Variants in PPP6R2 observed in about 807,000 individuals in gnomAD.
PPP6R2 encodes protein phosphatase 6 regulatory subunit 2.
Under a neutral mutation model 100.2 loss-of-function variants are expected in PPP6R2, and 62 were observed. The ratio of observed to expected loss-of-function variants is 0.62; its 90% CI spans 0.50 to 0.76. PPP6R2 has a LOEUF of 0.76. Ranked by LOEUF, PPP6R2 falls within the 30% of genes least tolerant of loss-of-function variation. The pLI, the probability that PPP6R2 is intolerant of heterozygous loss-of-function variation, is 0.00. For missense variants in PPP6R2, 1,142 were observed against 1,276.3 expected, an observed-to-expected ratio of 0.89 and a Z score of 1.60; for synonymous variants, 525 against 514.7, an observed-to-expected ratio of 1.02 and a Z score of -0.27.
intron 2 of PPP6R2, among the ~76,000 whole-genome samples, chr22:50,387,318 C>T (rs1376517990): frequency 6.6e-6 from 1 of 152,166 alleles, no homozygotes; most frequent in Non-Finnish European, 1.5e-5. Flanking sequence ...CAGCCTCAGC[C>T]TCGGCCTCCC....
intron 2 of PPP6R2, among the ~76,000 whole-genome samples, chr22:50,387,131 G>A (rs906961698): frequency 2.0e-5 from 3 of 152,176 alleles, no homozygotes; most frequent in Non-Finnish European, 2.9e-5. Flanking sequence ...TACGATCATA[G>A]CTCAGGGCAG....
At chr22:50,411,274 C>T (rs760435914) in intron 4 of PPP6R2, among the ~76,000 whole-genome samples, 8 of 151,520 alleles carry the variant, frequency 5.3e-5, no homozygotes, top group East Asian at 2.0e-4. Context: ...GCCAACATGC[C>T]GAAACCCCGT....
intron 3 of PPP6R2, among the ~76,000 whole-genome samples, chr22:50,396,231 T>C (rs1331035745): frequency 5.2e-5 from 7 of 135,016 alleles, no homozygotes; most frequent in Admixed American, 3.2e-4. Flanking sequence ...GTGTGGTGGC[T>C]CACACCTGTA....
chr22:50,438,160 G>A lies in PPP6R2; in HGVS notation c.1840-14G>A, dbSNP rs757196397. The A allele has an allele frequency of 1.9e-5, 31 of 1,605,338 alleles. No homozygotes were observed. Among genetic ancestry groups the A allele is most frequent in the Admixed American group, 3.4e-5 (2 of 58,486 alleles). On this transcript the variant is annotated splice_polypyrimidine_tract_variant and intron_variant, in intron 17 of 23. Transcript: ENST00000612753. ...AGACCCTCTGGAAACTCACCTTGGC[G>A]TTTTACTCTGCAGCCCAGCGCAGCT... is the stretch of plus-strand genomic sequence containing the variant.
intron 20 of PPP6R2, 38 bp downstream of exon 20, chr22:50,439,895 A>G: frequency 6.2e-7 from 1 of 1,607,792 alleles, no homozygotes. Flanking sequence ...TGTGCCAGGA[A>G]GTGCCTGTCA....
chr22:50,355,735 A>G (rs1233362699), intron 1 of PPP6R2, among the ~76,000 whole-genome samples: 1 of 133,760 alleles, frequency 7.5e-6, no homozygotes, highest in Non-Finnish European at 1.6e-5. Context: ...GTTAGCCAGG[A>G]TGGTCTCGAT....
the PPP6R2 span, among the ~76,000 whole-genome samples, chr22:50,333,252 A>G: frequency 6.6e-6 from 1 of 151,712 alleles, no homozygotes; most frequent in South Asian, 2.1e-4. Context: ...GCTTTTCCTT[A>G]TACTAATTCT....
the PPP6R2 span, among the ~76,000 whole-genome samples, chr22:50,337,754 G>C: frequency 6.8e-6 from 1 of 147,428 alleles, no homozygotes; most frequent in Admixed American, 6.8e-5. Context: ...GGTATGTGGA[G>C]TGTGCACGAT....
At chr22:50,389,962 C>A (rs927982036) in intron 2 of PPP6R2, among the ~76,000 whole-genome samples, 1 of 150,312 alleles carries the variant, frequency 6.7e-6, no homozygotes, top group Non-Finnish European at 1.5e-5. Context: ...TCTTGTTATG[C>A]GGAGATTTTT....
At chr22:50,400,700 C>G (rs1380121362) in intron 3 of PPP6R2, among the ~76,000 whole-genome samples, 2 of 152,132 alleles carry the variant, frequency 1.3e-5, no homozygotes. Context: ...AGTACAAAAT[C>G]AAGCAAACAG....
chr22:50,417,530 A>G (rs1197804205), intron 6 of PPP6R2, among the ~76,000 whole-genome samples: 2 of 152,178 alleles, frequency 1.3e-5, no homozygotes, highest in African/African-American at 2.4e-5. Context: ...CGATCTATAC[A>G]TACAACCACG....
intron 2 of PPP6R2, among the ~76,000 whole-genome samples, chr22:50,387,478 G>A (rs900358349): frequency 2.6e-5 from 4 of 152,086 alleles, no homozygotes; most frequent in Non-Finnish European, 5.9e-5. Context: ...GCTCAGGATC[G>A]ACATAGTCTT....
the PPP6R2 span, among the ~76,000 whole-genome samples, chr22:50,334,774 T>G: frequency 6.6e-6 from 1 of 152,202 alleles, no homozygotes; most frequent in East Asian, 1.9e-4. Flanking sequence ...AAGACCAGCC[T>G]GGCAAACATG....
At position 50,439,683 on chromosome 22, in the gene PPP6R2, G is replaced by A. The variant is rs1310276473; in HGVS notation, c.2129-18G>A. ...CCAGGCCTGCCCACGCCTGACCACT[G>A]TGTCTCTCCCCCAGCAGGCGCCATG... is the stretch of plus-strand genomic sequence containing the variant. On this transcript the variant is annotated intron_variant, in intron 19 of 23. Coordinates refer to ENST00000612753, the MANE Select transcript of PPP6R2 (RefSeq NM_001242898.2). 2.6e-6 allele frequency: 4 copies of A among 1,557,508 alleles called. No individual in the cohort carries two copies. The highest frequency in any genetic ancestry group is 2.7e-5 in the African/African-American group (2 of 73,714).
At chr22:50,436,289 A>T (rs1052654580) in intron 13 of PPP6R2, 78 bp from the exon 14 acceptor site, 1 of 1,326,672 alleles carries the variant, frequency 7.5e-7, no homozygotes, top group Admixed American at 2.0e-5. Context: ...CCCAGGATGC[A>T]CCTGCCGGAG....
chr22:50,348,478 A>T (rs2044257723), intron 1 of PPP6R2, among the ~76,000 whole-genome samples: 1 of 152,196 alleles, frequency 6.6e-6, no homozygotes, highest in African/African-American at 2.4e-5. Context: ...TTATCCTCCC[A>T]GCCCCATCAA....
the PPP6R2 span, among the ~76,000 whole-genome samples, chr22:50,337,783 GGT>G: frequency 2.1e-5 from 3 of 145,656 alleles, no homozygotes; most frequent in South Asian, 2.2e-4. Flanking sequence ...TGTGTGTGTG[GGT>G]GTGTGTGTGC....
chr22:50,364,110 T>C (rs1420846138), intron 1 of PPP6R2, among the ~76,000 whole-genome samples: 1 of 152,022 alleles, frequency 6.6e-6, no homozygotes, highest in Admixed American at 6.6e-5. Flanking sequence ...TTAACCAGGC[T>C]GGTCTCAAAC....
intron 2 of PPP6R2, among the ~76,000 whole-genome samples, chr22:50,372,865 T>C (rs1179959855): frequency 6.6e-6 from 1 of 151,878 alleles, no homozygotes; most frequent in Non-Finnish European, 1.5e-5. Context: ...ATTTTTGTAT[T>C]TGTAGTAGAG....
Sources: allele counts gnomAD v4.1 joint callset (sites outside exome capture counted in the v4.1 genomes callset), GRCh38; gene constraint gnomAD v4.1.1; transcripts MANE v1.5; gene names NCBI Gene and HGNC (gene_info 2026-07-23, HGNC 2026-07-21).